The following KIF13A variants were observed in gnomAD, a reference collection of about 807,000 sequenced individuals.
The protein encoded by KIF13A is kinesin-like protein KIF13A.
In KIF13A, 79 loss-of-function variants were observed where a neutral mutation model predicts 212.2. The observed-to-expected ratio is 0.37, with a 90% confidence interval of 0.31 to 0.45. The LOEUF is 0.45. Among genes scored for constraint, KIF13A ranks in the 20% least tolerant of loss-of-function variants. The probability of loss-of-function intolerance (pLI) is 1.00; values close to 1 mark genes in which losing one functional copy is unlikely to be tolerated. For synonymous variants in KIF13A, 789 were observed against 808.6 expected, an observed-to-expected ratio of 0.98 and a Z score of 0.41; for missense variants, 1,901 against 2,209.0, an observed-to-expected ratio of 0.86 and a Z score of 2.79.
At chr6:17,959,589 C>T (rs528764561) in intron 2 of KIF13A, among the ~76,000 whole-genome samples, 1 of 152,282 alleles carries the variant, frequency 6.6e-6, no homozygotes, top group African/African-American at 2.4e-5. Flanking sequence ...GATCTCAACA[C>T]CTTCTGTATC....
At chr6:17,974,663 A>G (rs536403322) in intron 2 of KIF13A, among the ~76,000 whole-genome samples, 43 of 58,512 alleles carry the variant, frequency 7.3e-4, no homozygotes, top group African/African-American at 2.4e-3. Context: ...AAGCTTTTTT[A>G]AAAAAAATCC....
chr6:17,846,693 G>A (rs1336277037), intron 9 of KIF13A, among the ~76,000 whole-genome samples: 1 of 150,504 alleles, frequency 6.6e-6, no homozygotes, highest in East Asian at 2.0e-4. Flanking sequence ...TATGAAAAAA[G>A]AGCCAGTTAC....
intron 2 of KIF13A, among the ~76,000 whole-genome samples, chr6:17,981,501 T>C (rs895876439): frequency 6.7e-6 from 1 of 149,988 alleles, no homozygotes; most frequent in African/African-American, 2.5e-5. Flanking sequence ...CTCGGCTCAC[T>C]GCCACCTACG....
At position 17,984,454 on chromosome 6, in the gene KIF13A, T is replaced by C; in HGVS notation, c.146+2600A>G. On this transcript the variant is annotated intron_variant, in intron 2 of 38. Coordinates refer to ENST00000259711, the MANE Select transcript of KIF13A (RefSeq NM_022113.6). The surrounding 1 kb of genome is among the most constrained non-coding windows in gnomAD (Gnocchi z 5.0). ...TACTAACCTGGACCTATGCAATGTA[T>C]TACAATACTAGAATTTCAGCAACAA... 2.2e-6 allele frequency: 2 copies of C among 895,040 alleles called. No homozygotes were observed. Among genetic ancestry groups the C allele is most frequent in the Non-Finnish European group, 2.7e-6 (2 of 749,086 alleles). The allele number at this position is 895,040 out of a possible 1,614,324, so 55.4% of individuals were successfully genotyped here.
At chr6:17,870,967 C>CA (rs1348606538) in intron 4 of KIF13A, among the ~76,000 whole-genome samples, 1 of 152,152 alleles carries the variant, frequency 6.6e-6, no homozygotes, top group Non-Finnish European at 1.5e-5. Context: ...CCATAGAAAA[C>CA]AAATTGTAGC....
chr6:17,819,980 G>A (rs1352073636), intron 16 of KIF13A, among the ~76,000 whole-genome samples: 3 of 152,010 alleles, frequency 2.0e-5, no homozygotes, highest in African/African-American at 7.2e-5. Context: ...AAAACACACC[G>A]TTTTATAAAA....
rs1361970402 is a variant in KIF13A at position 17,883,258 on chromosome 6, G to A, written c.160-9821C>T. On this transcript the variant is annotated intron_variant, in intron 3 of 38. Transcript: ENST00000259711. This position sits in a 1 kb window ranked among gnomAD's most constrained non-coding sequence, Gnocchi z 4.8. ...GATACTCAGGAGGCTGAAGCAAGAG[G>A]ACTGCTTGAGCCCAGAAGTTTAAGC... Among the ~76,000 whole-genome samples the A allele has an allele frequency of 6.6e-6, 1 of 152,018 alleles. No individual in the cohort carries two copies. The highest frequency in any genetic ancestry group is 6.6e-5 in the Admixed American group (1 of 15,264).
At position 17,951,471 on chromosome 6, in the gene KIF13A, T is replaced by C. The variant is rs1777841006; in HGVS notation, c.146+35583A>G. 1.3e-5 allele frequency: 7 copies of C among 521,822 alleles called. No homozygotes were observed. In the East Asian group the frequency reaches 2.3e-4, roughly 17 times the overall value. The allele number at this position is 521,822 out of a possible 1,614,324, so 32.3% of individuals were successfully genotyped here. A position where few individuals can be genotyped will look rare whatever the true frequency, so the allele number is the denominator to read the frequency against. On this transcript the variant is annotated intron_variant, in intron 2 of 38. Transcript: ENST00000259711. This position sits in a 1 kb window ranked among gnomAD's most constrained non-coding sequence, Gnocchi z 4.9. ...AAAAAAAACAGCTTTAAGATATAAT[T>C]TATATACCATACAATTTACCCACTA...
At position 17,897,309 on chromosome 6, in the gene KIF13A, AG is replaced by A. The variant is rs1177770717; in HGVS notation, c.159+858del. ...TAGATTCTGACCATATAATTTGTGT[AG>A]GTAAAGCCTGTTCTAATCCTATCTC... is the stretch of plus-strand genomic sequence containing the variant. On this transcript the variant is annotated intron_variant, in intron 3 of 38. Transcript: ENST00000259711. The surrounding 1 kb of genome is among the most constrained non-coding windows in gnomAD (Gnocchi z 4.8). Among the ~76,000 whole-genome samples the A allele has an allele frequency of 6.6e-6, 1 of 152,170 alleles. No homozygotes were observed. Among genetic ancestry groups the A allele is most frequent in the Non-Finnish European group, 1.5e-5 (1 of 68,024 alleles).
intron 2 of KIF13A, among the ~76,000 whole-genome samples, chr6:17,906,453 C>A (rs902765809): frequency 8.5e-6 from 1 of 117,666 alleles, no homozygotes; most frequent in African/African-American, 3.3e-5. Flanking sequence ...TTTCTTTCTT[C>A]TTTTTTTTTT....
At chr6:17,981,807 G>C (rs576227802) in intron 2 of KIF13A, among the ~76,000 whole-genome samples, 46 of 152,188 alleles carry the variant, frequency 3.0e-4, no homozygotes, top group Middle Eastern at 3.4e-3. Flanking sequence ...AGAATTCAAA[G>C]TCCCACAGGT....
At chr6:17,842,899 G>A (rs550233495) in intron 9 of KIF13A, among the ~76,000 whole-genome samples, 4 of 151,262 alleles carry the variant, frequency 2.6e-5, no homozygotes, top group Non-Finnish European at 4.4e-5. Flanking sequence ...AACCTGCACC[G>A]TTTCCCCTGA....
Position 17,777,130 on chromosome 6 carries a change from T to C in KIF13A, c.4170+147A>G. The C allele has an allele frequency of 4.6e-6, 3 of 653,814 alleles. No individual in the cohort carries two copies. The highest frequency in any genetic ancestry group is 2.7e-5 in the East Asian group (1 of 36,536). The allele number at this position is 653,814 out of a possible 1,614,324, so 40.5% of individuals were successfully genotyped here. On this transcript the variant is annotated intron_variant, in intron 34 of 38. Transcript: ENST00000259711. This position sits in a 1 kb window ranked among gnomAD's most constrained non-coding sequence, Gnocchi z 4.4. ...TTAGACAACTGTGCTGCCTGGTGTG[T>C]GTCCCTGGTACAGAGAAGCAGGCTA...
intron 2 of KIF13A, among the ~76,000 whole-genome samples, chr6:17,986,249 G>GAA (rs1439817693): frequency 6.6e-6 from 1 of 152,178 alleles, no homozygotes; most frequent in African/African-American, 2.4e-5. Flanking sequence ...TATATTGAAT[G>GAA]AATTCCAACC....
chr6:17,771,512 A>G lies in KIF13A; in HGVS notation c.4477-294T>C, dbSNP rs907998379. 2.9e-5 allele frequency: 12 copies of G among 408,952 alleles called. No homozygotes were observed. The highest frequency in any genetic ancestry group is 5.2e-5 in the Non-Finnish European group (12 of 229,200). The allele number at this position is 408,952 out of a possible 1,614,324, so 25.3% of individuals were successfully genotyped here. ...GAGGCTGGGGCAAAAGAATCACTTG[A>G]GGCCAGGAGTTTCAGACCAGCCTGG... On this transcript the variant is annotated intron_variant, in intron 37 of 38. Transcript: ENST00000259711. This position sits in a 1 kb window ranked among gnomAD's most constrained non-coding sequence, Gnocchi z 5.4.
At chr6:17,973,621 G>GA (rs1219750010) in intron 2 of KIF13A, among the ~76,000 whole-genome samples, 43 of 148,244 alleles carry the variant, frequency 2.9e-4, no homozygotes, top group Admixed American at 8.7e-4. Flanking sequence ...ACAACTTAAA[G>GA]AAAAAAAAAA....
chr6:17,906,594 G>A lies in KIF13A; in HGVS notation c.147-8414C>T, dbSNP rs564001749. Among the ~76,000 whole-genome samples, 398 of 151,728 alleles carry A rather than the reference G, an allele frequency of 2.6e-3. 5 individuals are homozygous for A. In the Middle Eastern group the frequency reaches 0.027, roughly 10 times the overall value. ...CTCCCAAGTAGCTGGGACTACAGGT[G>A]TGCACTACCACACCCAGCTAATTTT... is the stretch of plus-strand genomic sequence containing the variant. On this transcript the variant is annotated intron_variant, in intron 2 of 38. Transcript: ENST00000259711.
chr6:17,775,823 T>C (rs1029625497), intron 34 of KIF13A, among the ~76,000 whole-genome samples: 7 of 152,166 alleles, frequency 4.6e-5, no homozygotes, highest in Admixed American at 3.9e-4. Context: ...AAGACTTTAC[T>C]TGATCAGATT....
intron 3 of KIF13A, among the ~76,000 whole-genome samples, chr6:17,879,791 C>G (rs1770893662): frequency 6.6e-6 from 1 of 152,126 alleles, no homozygotes; most frequent in Admixed American, 6.5e-5. Context: ...TCCTTTCATG[C>G]CAAAATGTAA....
Sources: allele counts gnomAD v4.1 joint callset (sites outside exome capture counted in the v4.1 genomes callset), GRCh38; gene constraint gnomAD v4.1.1; non-coding constraint Gnocchi (gnomAD v3.1); transcripts MANE v1.5; gene names NCBI Gene and HGNC (gene_info 2026-07-23, HGNC 2026-07-21).